TRPS1: variants seen among roughly 807,000 people sequenced by gnomAD.
TRPS1 encodes the protein transcriptional repressor GATA binding 1, also known as zinc finger transcription factor Trps1.
A neutral mutation model predicts 101.2 loss-of-function variants in TRPS1; 6 were observed. The ratio of observed to expected loss-of-function variants is 0.06; its 90% confidence interval spans 0.03 to 0.12. The LOEUF (loss-of-function observed/expected upper bound fraction) is 0.12. Among genes scored for constraint, TRPS1 ranks in the 10% least tolerant of loss-of-function variants. The pLI, the probability that TRPS1 is intolerant of heterozygous loss-of-function variation, is 1.00. For missense variants in TRPS1, 1,363 were observed against 1,567.0 expected (o/e 0.87, Z 2.20); for synonymous variants, 578 against 589.8 (o/e 0.98, Z 0.29).
chr8:115,549,072 CATTCTGGGCAGAAT>C (rs1385882372), intron 5 of TRPS1, among the ~76,000 whole-genome samples: 4 of 152,196 alleles, frequency 2.6e-5, no homozygotes, highest in Non-Finnish European at 5.9e-5. Flanking sequence ...AGATGAGAGA[CATTCTGGGCAGAAT>C]ATATAATAGC....
At chr8:115,636,757 C>G (rs1586481480) in intron 1 of TRPS1, among the ~76,000 whole-genome samples, 1 of 151,960 alleles carries the variant, frequency 6.6e-6, no homozygotes, top group East Asian at 1.9e-4. Context: ...ACCAAAAATA[C>G]AAAAATTAGC....
rs147996907 is a variant in TRPS1 at position 115,491,949 on chromosome 8, A to C, written c.2701-73497T>G. On this transcript the variant is annotated intron_variant, in intron 5 of 6. Coordinates refer to ENST00000395715, the MANE Select transcript of TRPS1 (RefSeq NM_014112.5). ...TTTGTGGAAAGCAAATATCCTAGGG[A>C]TATGGCTTTTCTTTTTGTAATAACA... 2.0e-5 allele frequency among the ~76,000 whole-genome samples: 3 copies of C among 152,306 alleles called. 1 individual carries two copies. In the East Asian group the frequency reaches 5.8e-4, roughly 29 times the overall value.
At chr8:115,586,807 C>T (rs1817569261) in intron 5 of TRPS1, among the ~76,000 whole-genome samples, 194 bp downstream of exon 5, 1 of 152,180 alleles carries the variant, frequency 6.6e-6, no homozygotes, top group Admixed American at 6.5e-5. Flanking sequence ...AACACTGTAT[C>T]AAGTAAGTGC....
intron 5 of TRPS1, among the ~76,000 whole-genome samples, chr8:115,552,888 T>C (rs1407881988): frequency 6.6e-6 from 1 of 151,958 alleles, no homozygotes; most frequent in African/African-American, 2.4e-5. Context: ...ATCCTGGCAA[T>C]ATCCACAGTG....
chr8:115,602,148 CGTGT>C (rs111443409), intron 4 of TRPS1, among the ~76,000 whole-genome samples: 7 of 150,874 alleles, frequency 4.6e-5, no homozygotes, highest in South Asian at 2.1e-4. Flanking sequence ...AGTGCGTGTG[CGTGT>C]GTGTGTGTGT....
At chr8:115,635,455 G>C (rs1403174846) in intron 1 of TRPS1, among the ~76,000 whole-genome samples, 3 of 152,152 alleles carry the variant, frequency 2.0e-5, no homozygotes, top group African/African-American at 7.2e-5. Flanking sequence ...CATAGTTTCT[G>C]AGGGCCAACT....
rs542077006 is a variant in TRPS1 at position 115,453,678 on chromosome 8, T to A, written c.2701-35226A>T. 5.9e-5 allele frequency among the ~76,000 whole-genome samples: 9 copies of A among 152,314 alleles called. No homozygotes were observed. In the South Asian group the frequency reaches 1.9e-3, roughly 32 times the overall value. ...CTAGAGAAACTCATGAAAATGAACA[T>A]GGTTTCCGAAACACCTTCAAAGAGT... On this transcript the variant is annotated intron_variant, in intron 5 of 6. Transcript: ENST00000395715.
At chr8:115,542,503 A>C (rs1448153649) in intron 5 of TRPS1, among the ~76,000 whole-genome samples, 1 of 152,156 alleles carries the variant, frequency 6.6e-6, no homozygotes, top group Non-Finnish European at 1.5e-5. Flanking sequence ...ACTGAAAGGA[A>C]AAACGCCAGA....
chr8:115,582,641 C>G (rs910818262), intron 5 of TRPS1, among the ~76,000 whole-genome samples: 4 of 152,148 alleles, frequency 2.6e-5, no homozygotes, highest in African/African-American at 9.7e-5. Flanking sequence ...AACGGAGATC[C>G]TGGGAGGCCC....
At chr8:115,645,060 A>G (rs1045464304) in intron 1 of TRPS1, among the ~76,000 whole-genome samples, 1 of 152,220 alleles carries the variant, frequency 6.6e-6, no homozygotes, top group Non-Finnish European at 1.5e-5. Flanking sequence ...GAATTTTCCA[A>G]ATGTGACAAA....
chr8:115,610,056 C>A (rs1193806234), intron 3 of TRPS1, among the ~76,000 whole-genome samples: 1 of 152,134 alleles, frequency 6.6e-6, no homozygotes, highest in Non-Finnish European at 1.5e-5. Context: ...CACTTCAACA[C>A]ATGTACTTAT....
chr8:115,471,440 T>C (rs945729486), intron 5 of TRPS1, among the ~76,000 whole-genome samples: 3 of 152,270 alleles, frequency 2.0e-5, no homozygotes, highest in African/African-American at 7.2e-5. Context: ...CATGATTCAA[T>C]TACCTCCCAC....
chr8:115,441,904 T>TGTGC (rs1365472724), intron 5 of TRPS1, among the ~76,000 whole-genome samples: 1 of 151,176 alleles, frequency 6.6e-6, no homozygotes, highest in East Asian at 1.9e-4. Context: ...AGAGAGTGTG[T>TGTGC]GTGTGTGTGT....
At chr8:115,437,316 C>T (rs1252222680) in intron 5 of TRPS1, among the ~76,000 whole-genome samples, 7 of 152,226 alleles carry the variant, frequency 4.6e-5, no homozygotes, top group Non-Finnish European at 8.8e-5. Context: ...CCATGGTCCA[C>T]TATTTGAGAT....
chr8:115,522,147 T>C (rs1815880458), intron 5 of TRPS1, among the ~76,000 whole-genome samples: 1 of 152,006 alleles, frequency 6.6e-6, no homozygotes, highest in Non-Finnish European at 1.5e-5. Flanking sequence ...GATAGGGTAT[T>C]GACAAACTAA....
chr8:115,663,649 A>T (rs2130634403), intron 1 of TRPS1, among the ~76,000 whole-genome samples: 1 of 148,658 alleles, frequency 6.7e-6, no homozygotes, highest in Non-Finnish European at 1.5e-5. Flanking sequence ...ATTTCAAATG[A>T]TGCTCCAAAT....
chr8:115,615,117 C>T (rs1489985234), intron 3 of TRPS1, among the ~76,000 whole-genome samples: 1 of 152,180 alleles, frequency 6.6e-6, no homozygotes, highest in Non-Finnish European at 1.5e-5. Flanking sequence ...TGTGATTCTT[C>T]TATTAGCCTT....
At position 115,615,793 on chromosome 8, in the gene TRPS1, A is replaced by G. The variant is rs566628247; in HGVS notation, c.966+3339T>C. 3.9e-5 allele frequency among the ~76,000 whole-genome samples: 6 copies of G among 152,160 alleles called. No homozygotes were observed. The South Asian group carries it at 1.2e-3, about 32-fold the overall frequency. Reference sequence around the variant, plus strand: ...GAAAAAGAAAAAAATAAAAAGAAAGAAGCTGTAATTACTTTTTTAAGAACT... The same window carrying G: ...GAAAAAGAAAAAAATAAAAAGAAAGGAGCTGTAATTACTTTTTTAAGAACT... On this transcript the variant is annotated intron_variant, in intron 3 of 6. Coordinates refer to ENST00000395715, the MANE Select transcript of TRPS1 (RefSeq NM_014112.5).
rs199627674 is a variant in TRPS1 at position 115,587,062 on chromosome 8, G to A, written c.2639C>T (p.Pro880Leu). The A allele has an allele frequency of 4.3e-6, 7 of 1,614,068 alleles. No individual in the cohort carries two copies. In the East Asian group the frequency reaches 6.7e-5, roughly 15 times the overall value. The change falls in exon 5 of 7, where the codon CCC becomes CTC. Residue 880 changes from proline (P) to leucine (L), a missense_variant. By Grantham distance (98) the Pro-to-Leu change is moderately conservative. Transcript: ENST00000395715. ...PAGGEKSGAL[P>L]QQYPASGENK... ...TTCTCCCGATGCAGGATACTGCTGGGGGAGGGCCCCAGACTTCTCTCCGCC... is the reference window on the plus strand; with the variant it reads ...TTCTCCCGATGCAGGATACTGCTGGAGGAGGGCCCCAGACTTCTCTCCGCC...
Sources: gnomAD v4.1 joint callset for allele counts (sites outside exome capture counted in the v4.1 genomes callset) on GRCh38, gnomAD v4.1.1 for gene constraint, MANE v1.5 for transcripts, NCBI Gene and HGNC (gene_info 2026-07-23, HGNC 2026-07-21) for gene names.